Variants in FAM107B observed in about 807,000 individuals in gnomAD.
FAM107B encodes family with sequence similarity 107 member B, also known as protein FAM107B.
A neutral mutation model predicts 31.5 loss-of-function variants in FAM107B; 21 were observed. The ratio of observed to expected loss-of-function variants is 0.67; its 90% CI spans 0.47 to 0.96. The LOEUF (loss-of-function observed/expected upper bound fraction) is 0.96. FAM107B is among the 40% of genes least tolerant of loss of function. FAM107B has a pLI of 0.00. For missense variants in FAM107B, 452 were observed against 377.1 expected, an observed-to-expected ratio of 1.20 and a Z score of -1.64; for synonymous variants, 157 against 141.5, an observed-to-expected ratio of 1.11 and a Z score of -0.78.
chr10:14,741,025 G>A (rs1032944129), intron 1 of FAM107B, among the ~76,000 whole-genome samples: 3 of 152,100 alleles, frequency 2.0e-5, no homozygotes, highest in African/African-American at 7.2e-5. Flanking sequence ...ACCTGATTGG[G>A]CCCTGAGAAC....
chr10:14,558,314 CTCTT>C (rs760026513), intron 2 of FAM107B, among the ~76,000 whole-genome samples: 11 of 152,234 alleles, frequency 7.2e-5, no homozygotes, highest in Non-Finnish European at 1.5e-4. Context: ...CGCACACACA[CTCTT>C]TCAAAAGCTC....
chr10:14,590,634 G>GT (rs1851984784), intron 2 of FAM107B, among the ~76,000 whole-genome samples: 3 of 152,198 alleles, frequency 2.0e-5, no homozygotes, highest in African/African-American at 4.8e-5. Context: ...AACAATTCAA[G>GT]TATCTACCCT....
At chr10:14,729,167 T>TA (rs1856106665) in intron 1 of FAM107B, among the ~76,000 whole-genome samples, 1 of 152,068 alleles carries the variant, frequency 6.6e-6, no homozygotes, top group Non-Finnish European at 1.5e-5. Context: ...TATTTTTTTT[T>TA]ATTTTCATTT....
chr10:14,748,797 C>G (rs1291596325), intron 1 of FAM107B, among the ~76,000 whole-genome samples: 1 of 152,212 alleles, frequency 6.6e-6, no homozygotes, highest in Non-Finnish European at 1.5e-5. Context: ...CTTGCAACTA[C>G]AAACCCTGAC....
intron 3 of FAM107B, chr10:14,530,042 T>G: frequency 3.4e-6 from 1 of 293,566 alleles, no homozygotes; most frequent in South Asian, 7.5e-5. Flanking sequence ...CTCTTCTATC[T>G]TTAATCCAGC....
intron 1 of FAM107B, among the ~76,000 whole-genome samples, chr10:14,672,270 T>C (rs1854579094): frequency 6.6e-6 from 1 of 152,062 alleles, no homozygotes; most frequent in Non-Finnish European, 1.5e-5. Context: ...TGTATTTTAG[T>C]GGAGACGGGA....
At chr10:14,559,468 CAA>C (rs35061654) in intron 2 of FAM107B, among the ~76,000 whole-genome samples, 23 of 112,692 alleles carry the variant, frequency 2.0e-4, no homozygotes, top group Non-Finnish European at 2.7e-4. Flanking sequence ...GGTTCTCTTA[CAA>C]AAAAAAAAAA....
At chr10:14,713,204 A>G (rs1304156804) in intron 1 of FAM107B, among the ~76,000 whole-genome samples, 1 of 152,224 alleles carries the variant, frequency 6.6e-6, no homozygotes, top group Non-Finnish European at 1.5e-5. Context: ...AATATGCATC[A>G]AAAGCCTCCA....
At chr10:14,639,196 AAAT>A (rs138138813) in intron 2 of FAM107B, among the ~76,000 whole-genome samples, 1 of 151,998 alleles carries the variant, frequency 6.6e-6, no homozygotes, top group East Asian at 1.9e-4. Context: ...CCTGTTTCCA[AAAT>A]AATAATAATA....
In FAM107B at chr10:14,530,538, A is replaced by G. The variant is rs1286582620; in HGVS notation, c.470-23T>C. Reference sequence around the variant, plus strand: ...TGTCTGAAAGAGAAAGATGAGAAACACTCATTTGCAGTTTTTGCTAAGGCT... The same window carrying G: ...TGTCTGAAAGAGAAAGATGAGAAACGCTCATTTGCAGTTTTTGCTAAGGCT... On this transcript the variant is annotated intron_variant, in intron 2 of 4. Coordinates refer to ENST00000181796, the MANE Select transcript of FAM107B (RefSeq NM_031453.4). The G allele has an allele frequency of 1.9e-6, 3 of 1,608,298 alleles. No individual in the cohort carries two copies. In the South Asian group the frequency reaches 3.3e-5, roughly 18 times the overall value.
intron 2 of FAM107B, among the ~76,000 whole-genome samples, chr10:14,608,041 A>G (rs1365068856): frequency 5.3e-5 from 8 of 152,222 alleles, no homozygotes. Context: ...AAAATGATAC[A>G]AAGCAAATCA....
chr10:14,554,343 G>A (rs1230080853), intron 2 of FAM107B: 3 of 164,790 alleles, frequency 1.8e-5, no homozygotes, highest in African/African-American at 7.2e-5. Flanking sequence ...GCATTGCTCA[G>A]ACAGGGCAAA....
chr10:14,771,224 G>A (rs6602762), intron 1 of FAM107B, among the ~76,000 whole-genome samples: 19,501 of 152,106 alleles, frequency 0.13, 3,441 homozygotes, highest in African/African-American at 0.4. Flanking sequence ...CACTGCCAGC[G>A]GCAAAGCTTT....
chr10:14,589,464 A>C (rs1171900320), intron 2 of FAM107B, among the ~76,000 whole-genome samples: 1 of 152,224 alleles, frequency 6.6e-6, no homozygotes, highest in East Asian at 1.9e-4. Flanking sequence ...AGGTTTTTAA[A>C]AATATAGATT....
At chr10:14,641,306 G>A (rs375699157) in intron 2 of FAM107B, among the ~76,000 whole-genome samples, 2 of 152,290 alleles carry the variant, frequency 1.3e-5, no homozygotes, top group East Asian at 1.9e-4. Flanking sequence ...TGGCACATGA[G>A]ACTTCTGATT....
At chr10:14,706,085 T>C (rs1353059165) in intron 1 of FAM107B, among the ~76,000 whole-genome samples, 1 of 152,216 alleles carries the variant, frequency 6.6e-6, no homozygotes, top group Non-Finnish European at 1.5e-5. Flanking sequence ...GAACAGAGGA[T>C]TGGCCTGATA....
chr10:14,573,395 C>A (rs1467273222), intron 2 of FAM107B, among the ~76,000 whole-genome samples: 1 of 152,072 alleles, frequency 6.6e-6, no homozygotes, highest in African/African-American at 2.4e-5. Context: ...CAGATGCAGG[C>A]CCTCGACCTT....
At chr10:14,627,881 G>T (rs967300572) in intron 2 of FAM107B, among the ~76,000 whole-genome samples, 3 of 152,070 alleles carry the variant, frequency 2.0e-5, no homozygotes, top group South Asian at 4.1e-4. Context: ...TGGAAGGAAG[G>T]TCACAGGACG....
chr10:14,633,090 T>C (rs1468267652), intron 2 of FAM107B, among the ~76,000 whole-genome samples: 1 of 151,706 alleles, frequency 6.6e-6, no homozygotes, highest in Non-Finnish European at 1.5e-5. Context: ...TCCCAGCTAC[T>C]CAGGAGGCTG....
Sources: gnomAD v4.1 joint callset for allele counts (sites outside exome capture counted in the v4.1 genomes callset) on GRCh38, gnomAD v4.1.1 for gene constraint, MANE v1.5 for transcripts, NCBI Gene and HGNC (gene_info 2026-07-23, HGNC 2026-07-21) for gene names.